XPO1: variants seen among roughly 807,000 people sequenced by gnomAD.
The protein encoded by XPO1 is exportin 1, also known as exportin-1.
XPO1 carries 5 observed loss-of-function variants against 133.3 expected under a neutral mutation model. The observed-to-expected ratio is 0.04, with a 90% CI of 0.02 to 0.08. The LOEUF (loss-of-function observed/expected upper bound fraction) is 0.08. Among genes scored for constraint, XPO1 ranks in the 10% least tolerant of loss-of-function variants. The pLI, the probability that XPO1 is intolerant of heterozygous loss-of-function variation, is 1.00. For missense variants in XPO1, 506 were observed against 1,267.5 expected (o/e 0.40, Z 9.12); for synonymous variants, 419 against 408.2 (o/e 1.03, Z -0.32).
At chr2:61,531,409 A>C (rs1699149853) in intron 2 of XPO1, among the ~76,000 whole-genome samples, 1 of 152,258 alleles carries the variant, frequency 6.6e-6, no homozygotes, top group Non-Finnish European at 1.5e-5. Context: ...TTAACAAGTC[A>C]ATTTTAAAAC....
At chr2:61,524,829 T>A (rs1453144415) in intron 3 of XPO1, among the ~76,000 whole-genome samples, 1 of 152,108 alleles carries the variant, frequency 6.6e-6, no homozygotes, top group Non-Finnish European at 1.5e-5. Flanking sequence ...GAGGCAGAAA[T>A]GTCACTTAAG....
chr2:61,524,440 G>A (rs890908530), intron 3 of XPO1, among the ~76,000 whole-genome samples: 5 of 152,096 alleles, frequency 3.3e-5, no homozygotes, highest in African/African-American at 9.7e-5. Context: ...GGTAGCATAA[G>A]CTTGATGAAG....
chr2:61,507,950 T>C (rs900040667), intron 4 of XPO1, among the ~76,000 whole-genome samples: 2 of 152,214 alleles, frequency 1.3e-5, no homozygotes, highest in African/African-American at 4.8e-5. Flanking sequence ...GTGTCTTTGA[T>C]AAGTCCTGAC....
rs182327809 is a variant in XPO1 at position 61,510,649 on chromosome 2, G to A, written c.302-8339C>T. ...GCATCACTCATGATAGCCAAAAGGT[G>A]AAAGCAGGTCGAGCACAGTAGCTCT... On this transcript the variant is annotated intron_variant, in intron 4 of 24. Coordinates refer to ENST00000401558, the MANE Select transcript of XPO1 (RefSeq NM_003400.4). Among the ~76,000 whole-genome samples the A allele has an allele frequency of 8.5e-5, 13 of 152,216 alleles. No individual in the cohort carries two copies. The East Asian group carries it at 2.5e-3, about 29-fold the overall frequency.
chr2:61,483,706 C>A (rs1276007876), intron 21 of XPO1: 4 of 454,966 alleles, frequency 8.8e-6, no homozygotes, highest in Non-Finnish European at 1.6e-5. Context: ...CTTTGTATTA[C>A]GCAAACCAAT....
At chr2:61,493,668 G>A in intron 12 of XPO1, 1 of 456,092 alleles carries the variant, frequency 2.2e-6, no homozygotes. Flanking sequence ...CAATGAATTT[G>A]CCTAACGAAA....
chr2:61,482,033 C>CTTTG (rs1491506588), intron 23 of XPO1, among the ~76,000 whole-genome samples: 1 of 86,820 alleles, frequency 1.2e-5, no homozygotes, highest in Non-Finnish European at 2.5e-5. Context: ...CCGTGCGTGG[C>CTTTG]CTTTTTTTTT....
Position 61,478,407 on chromosome 2 carries a change from CATT to C in XPO1, c.*410_*412del, listed in dbSNP as rs1183002757. On this transcript the variant is annotated 3_prime_UTR_variant, in exon 25 of 25. Transcript: ENST00000401558. ...TTTAAACAACGCAATTTGTTTTACT[CATT>C]ATCTTTTCTTCTAGGCTGAAATAGA... 1 of 260,804 alleles carries C rather than the reference CATT, an allele frequency of 3.8e-6. No individual in the cohort carries two copies. The highest frequency in any genetic ancestry group is 7.3e-6 in the Non-Finnish European group (1 of 136,354). The allele number at this position is 260,804 out of a possible 1,614,324, so 16.2% of individuals were successfully genotyped here. A position where few individuals can be genotyped will look rare whatever the true frequency, so the allele number is the denominator to read the frequency against.
In XPO1 at chr2:61,482,394, G is replaced by A. The variant is rs1430534710; in HGVS notation, c.2958C>T (p.Phe986=). The change falls in exon 23 of 25, where the codon TTC becomes TTT. Residue 986 remains phenylalanine (F), a synonymous_variant. Transcript: ENST00000401558. Reference sequence around the variant, plus strand: ...GGTATATTTACTCTTGTAGGTGAGGGAAGGCCGACTTAAGGAGATTAGCCA... The same window carrying A: ...GGTATATTTACTCTTGTAGGTGAGGAAAGGCCGACTTAAGGAGATTAGCCA... ...EYVANLLKSA[F]PHLQDAQVKL... is the part of the protein sequence containing the mutation. 1 of 1,608,904 alleles carries A rather than the reference G, an allele frequency of 6.2e-7. No homozygotes were observed. The highest frequency in any genetic ancestry group is 1.1e-5 in the South Asian group (1 of 89,898).
intron 2 of XPO1, among the ~76,000 whole-genome samples, chr2:61,530,484 T>C (rs940811323): frequency 2.0e-5 from 3 of 152,138 alleles, no homozygotes; most frequent in African/African-American, 7.2e-5. Context: ...TGCTAAGCAA[T>C]AGAGTTCAAG....
intron 4 of XPO1, among the ~76,000 whole-genome samples, chr2:61,518,706 G>C (rs917802281): frequency 6.6e-6 from 1 of 152,048 alleles, no homozygotes; most frequent in African/African-American, 2.4e-5. Context: ...ATAGTTTGAA[G>C]GATGGGGAAT....
intron 3 of XPO1, among the ~76,000 whole-genome samples, chr2:61,524,507 T>A (rs3771262): frequency 0.91 from 138,481 of 152,250 alleles, 63,242 homozygotes; most frequent in African/African-American, 0.98. Context: ...GCCCAATAAA[T>A]GCTTTGCCCA....
At position 61,533,925 on chromosome 2, in the gene XPO1, T is replaced by C. The variant is rs181929288; in HGVS notation, c.-6-22A>G. On this transcript the variant is annotated intron_variant, in intron 1 of 24. Coordinates refer to ENST00000401558, the MANE Select transcript of XPO1 (RefSeq NM_003400.4). ...ATTACTGAAAATAAAGAAAAAAAAT[T>C]GAAGCTGCCTATCAAGTTTTGGTAT... The C allele has an allele frequency of 1.5e-5, 23 of 1,507,034 alleles. No individual in the cohort carries two copies. In the Admixed American group the frequency reaches 4.5e-4, roughly 29 times the overall value. The allele number at this position is 1,507,034 out of a possible 1,614,324, so 93.4% of individuals were successfully genotyped here.
chr2:61,518,142 G>C (rs909030789), intron 4 of XPO1, among the ~76,000 whole-genome samples: 7 of 147,800 alleles, frequency 4.7e-5, no homozygotes, highest in African/African-American at 1.5e-4. Context: ...AAAAAAAAAA[G>C]AAAAAAAGCC....
intron 4 of XPO1, among the ~76,000 whole-genome samples, chr2:61,503,415 C>T (rs1244358595): frequency 6.6e-6 from 1 of 151,726 alleles, no homozygotes; most frequent in Non-Finnish European, 1.5e-5. Context: ...CACGCACCAC[C>T]ACATCCAGCT....
In XPO1 at chr2:61,537,680, A is replaced by C. The variant is rs1699414091; in HGVS notation, c.-125T>G. The C allele has an allele frequency of 6.6e-6, 1 of 151,926 alleles. No individual in the cohort carries two copies. 9.4% of individuals were successfully genotyped at this position (151,926 alleles called of 1,614,324 possible). On this transcript the variant is annotated 5_prime_UTR_variant, in exon 1 of 25. Transcript: ENST00000401558. ...TTCAGTTTTCCCACCTCAAAAAAGGAAATTAAAAAAACGGACAGGAAAAGG... is the reference window on the plus strand; with the variant it reads ...TTCAGTTTTCCCACCTCAAAAAAGGCAATTAAAAAAACGGACAGGAAAAGG...
Position 61,482,544 on chromosome 2 carries a change from T to G in XPO1, c.2813-5A>C, listed in dbSNP as rs1696438541. ...TTGATGCATGCATTGTTAAACCTGT[T>G]GATAAGAAGAAAATTATTAACTCCA... On this transcript the variant is annotated splice_polypyrimidine_tract_variant and splice_region_variant and intron_variant, in intron 22 of 24. Transcript: ENST00000401558. 1 of 1,578,906 alleles carries G rather than the reference T, an allele frequency of 6.3e-7. No individual in the cohort carries two copies. Among genetic ancestry groups the G allele is most frequent in the African/African-American group, 1.4e-5 (1 of 72,948 alleles).
intron 24 of XPO1, chr2:61,480,670 G>A (rs1410565325): frequency 1.3e-5 from 2 of 151,366 alleles, no homozygotes; most frequent in African/African-American, 2.4e-5. Flanking sequence ...ATATTTAAGA[G>A]CTAAGAGACT....
At chr2:61,535,229 C>T (rs1312511587) in intron 1 of XPO1, among the ~76,000 whole-genome samples, 1 of 152,216 alleles carries the variant, frequency 6.6e-6, no homozygotes, top group Non-Finnish European at 1.5e-5. Context: ...TTGGTTAAGT[C>T]AGTAGTCCTT....
Sources: allele counts gnomAD v4.1 joint callset (sites outside exome capture counted in the v4.1 genomes callset), GRCh38; gene constraint gnomAD v4.1.1; transcripts MANE v1.5; gene names NCBI Gene and HGNC (gene_info 2026-07-23, HGNC 2026-07-21).